Variants in TAFA2 observed in about 807,000 individuals in gnomAD.
The protein encoded by TAFA2 is chemokine-like protein TAFA-2.
TAFA2 carries 7 observed loss-of-function variants against 18.8 expected under a neutral mutation model. The ratio of observed to expected loss-of-function variants is 0.37; its 90% CI spans 0.21 to 0.70. The LOEUF is 0.70. TAFA2 is among the 30% of genes least tolerant of loss of function. TAFA2 has a pLI of 0.53. For synonymous variants in TAFA2, 60 were observed against 54.2 expected, an observed-to-expected ratio of 1.11 and a Z score of -0.47; for missense variants, 122 against 158.1, an observed-to-expected ratio of 0.77 and a Z score of 1.23.
intron 4 of TAFA2, among the ~76,000 whole-genome samples, chr12:61,710,912 C>CAATTATATTTGAAA (rs56245378): frequency 6.2e-4 from 94 of 150,900 alleles, no homozygotes; most frequent in South Asian, 2.1e-3. Context: ...TTATTTGAGT[C>CAATTATATTTGAAA]AATTATATTT....
intron 1 of TAFA2, among the ~76,000 whole-genome samples, chr12:62,093,432 A>T (rs1036568291): frequency 6.6e-6 from 1 of 152,076 alleles, no homozygotes; most frequent in Non-Finnish European, 1.5e-5. Flanking sequence ...AATCTATTGT[A>T]TATTGGCATT....
chr12:61,900,238 G>C (rs1446365058), intron 1 of TAFA2, among the ~76,000 whole-genome samples: 1 of 152,208 alleles, frequency 6.6e-6, no homozygotes. Context: ...AAAATTATTG[G>C]TCATAGGGAA....
At chr12:62,158,711 T>C (rs914321487) in intron 1 of TAFA2, among the ~76,000 whole-genome samples, 1 of 152,248 alleles carries the variant, frequency 6.6e-6, no homozygotes, top group African/African-American at 2.4e-5. Context: ...ACAAGTTTCT[T>C]TTTTAAAAGC....
At chr12:61,729,431 CT>C (rs1870334112) in intron 4 of TAFA2, among the ~76,000 whole-genome samples, 1 of 151,404 alleles carries the variant, frequency 6.6e-6, no homozygotes, top group Non-Finnish European at 1.5e-5. Flanking sequence ...AAATTTTTTT[CT>C]TTGTTTTTGT....
At chr12:61,884,958 T>G (rs1256526054) in intron 1 of TAFA2, among the ~76,000 whole-genome samples, 1 of 152,224 alleles carries the variant, frequency 6.6e-6, no homozygotes, top group Non-Finnish European at 1.5e-5. Flanking sequence ...GCCAAATTTC[T>G]TAACTGAAGT....
At chr12:61,878,213 A>T in intron 1 of TAFA2, 1 of 398,714 alleles carries the variant, frequency 2.5e-6, no homozygotes, top group Non-Finnish European at 5.0e-6. Flanking sequence ...CTTTTAAAAG[A>T]GTTCTGGAAT....
At chr12:61,778,697 C>G (rs781020681) in intron 2 of TAFA2, among the ~76,000 whole-genome samples, 1 of 151,840 alleles carries the variant, frequency 6.6e-6, no homozygotes, top group African/African-American at 2.4e-5. Context: ...TTATGTCGAC[C>G]TGGGTTTGAG....
rs556071262 is a variant in TAFA2, at chr12:62,098,127, G to A, written c.-2+93132C>T. ...GTGTTGCCTTAACATTTTATCACCCGGGTCCTTAACTTGACATCTATAAAC... is the reference window on the plus strand; with the variant it reads ...GTGTTGCCTTAACATTTTATCACCCAGGTCCTTAACTTGACATCTATAAAC... On this transcript the variant is annotated intron_variant, in intron 1 of 4. Coordinates refer to ENST00000416284, the MANE Select transcript of TAFA2 (RefSeq NM_178539.5). Among the ~76,000 whole-genome samples the A allele has an allele frequency of 5.3e-4, 81 of 152,112 alleles. No individual in the cohort carries two copies. In the Middle Eastern group the frequency reaches 0.01, roughly 19 times the overall value.
intron 2 of TAFA2, among the ~76,000 whole-genome samples, chr12:61,800,201 T>A (rs1414760604): frequency 6.6e-6 from 1 of 152,196 alleles, no homozygotes; most frequent in Non-Finnish European, 1.5e-5. Context: ...ATGTGCCAGA[T>A]ATAATGTTAA....
chr12:62,176,914 A>G (rs1403171687), intron 1 of TAFA2, among the ~76,000 whole-genome samples: 2 of 152,224 alleles, frequency 1.3e-5, no homozygotes, highest in African/African-American at 4.8e-5. Flanking sequence ...CTGAAGGCAG[A>G]ACATCTGATT....
intron 1 of TAFA2, among the ~76,000 whole-genome samples, chr12:61,890,978 G>A (rs763083808): frequency 6.6e-6 from 1 of 152,142 alleles, no homozygotes; most frequent in Admixed American, 6.5e-5. Context: ...CTATATAGTA[G>A]CACAGATCTG....
At chr12:61,912,489 TCA>T (rs1356719017) in intron 1 of TAFA2, among the ~76,000 whole-genome samples, 2 of 152,336 alleles carry the variant, frequency 1.3e-5, no homozygotes, top group East Asian at 3.9e-4. Flanking sequence ...ATATTTTTCA[TCA>T]GTCAGCACTA....
At chr12:62,168,935 A>C (rs1348777848) in intron 1 of TAFA2, among the ~76,000 whole-genome samples, 3 of 120,670 alleles carry the variant, frequency 2.5e-5, no homozygotes, top group African/African-American at 9.9e-5. Context: ...TCTCATTCTC[A>C]CTCACTCTCT....
At chr12:62,237,709 G>C (rs938481701) in intron 1 of TAFA2, among the ~76,000 whole-genome samples, 1 of 152,200 alleles carries the variant, frequency 6.6e-6, no homozygotes, top group African/African-American at 2.4e-5. Context: ...GCAGTTGCCT[G>C]TAAGTGCCCT....
chr12:61,738,329 A>ACC lies in TAFA2; in HGVS notation c.384+15292_384+15293insGG, dbSNP rs1555198029. Among the ~76,000 whole-genome samples, 1,180 of 146,842 alleles carry ACC rather than the reference A, an allele frequency of 8.0e-3. 17 individuals carry two copies. The highest frequency in any genetic ancestry group is 0.056 in the South Asian group (263 of 4,680). On this transcript the variant is annotated intron_variant, in intron 4 of 4. Coordinates refer to ENST00000416284, the MANE Select transcript of TAFA2 (RefSeq NM_178539.5). ...CACACACACACACACACACACACAC[A>ACC]AACCTAGCTCATAAACCCAGGCTAA...
intron 2 of TAFA2, among the ~76,000 whole-genome samples, chr12:61,801,670 C>G (rs1367431979): frequency 6.6e-6 from 1 of 151,870 alleles, no homozygotes; most frequent in Admixed American, 6.6e-5. Context: ...AAGAAAGCAT[C>G]GGGGTAATGC....
intron 2 of TAFA2, among the ~76,000 whole-genome samples, chr12:61,836,751 A>G (rs1872941573): frequency 6.9e-6 from 1 of 145,090 alleles, no homozygotes; most frequent in Non-Finnish European, 1.5e-5. Flanking sequence ...ATATATATAT[A>G]TATATACACA....
At chr12:61,902,936 C>T (rs957220587) in intron 1 of TAFA2, among the ~76,000 whole-genome samples, 2 of 152,076 alleles carry the variant, frequency 1.3e-5, no homozygotes, top group African/African-American at 4.8e-5. Context: ...CCCTTTCCCT[C>T]ATTCCCATTT....
chr12:61,921,216 C>T (rs77265967), intron 1 of TAFA2, among the ~76,000 whole-genome samples: 3,059 of 152,214 alleles, frequency 0.02, 117 homozygotes, highest in African/African-American at 0.07. Context: ...ATCATCCTGC[C>T]AGGTACATTG....
Sources: allele counts gnomAD v4.1 joint callset (sites outside exome capture counted in the v4.1 genomes callset), GRCh38; gene constraint gnomAD v4.1.1; transcripts MANE v1.5; gene names NCBI Gene and HGNC (gene_info 2026-07-23, HGNC 2026-07-21).